CNOT6L: variants seen among roughly 807,000 people sequenced by gnomAD.
CNOT6L encodes CCR4-NOT transcription complex subunit 6 like.
Under a neutral mutation model 64.0 loss-of-function variants are expected in CNOT6L, and 7 were observed. That is an observed-to-expected ratio of 0.11 (90% CI 0.06 to 0.21). CNOT6L has a LOEUF of 0.21. CNOT6L is among the 10% of genes least tolerant of loss of function. The probability of loss-of-function intolerance (pLI) is 1.00; values close to 1 mark genes in which losing one functional copy is unlikely to be tolerated. For missense variants in CNOT6L, 245 were observed against 669.0 expected, an observed-to-expected ratio of 0.37 and a Z score of 6.99; for synonymous variants, 193 against 243.4, an observed-to-expected ratio of 0.79 and a Z score of 1.93.
chr4:77,819,226 C>G (rs368783905), intron 1 of CNOT6L, 78 bp downstream of exon 1: 24 of 1,612,290 alleles, frequency 1.5e-5, no homozygotes, highest in Non-Finnish European at 2.0e-5. Context: ...ATTTGTCCCT[C>G]TCCCACCTCA....
At chr4:77,755,451 G>A (rs1386619234) in intron 5 of CNOT6L, among the ~76,000 whole-genome samples, 3 of 151,712 alleles carry the variant, frequency 2.0e-5, no homozygotes, top group Admixed American at 6.6e-5. Context: ...TCTTGACCTC[G>A]TGATCTCCCC....
chr4:77,798,642 T>C (rs1731149783), intron 1 of CNOT6L, among the ~76,000 whole-genome samples: 1 of 152,082 alleles, frequency 6.6e-6, no homozygotes, highest in Admixed American at 6.6e-5. Flanking sequence ...ACACTAAAGA[T>C]GAGAATGCAA....
At chr4:77,789,317 G>A (rs931495592) in intron 1 of CNOT6L, among the ~76,000 whole-genome samples, 14 of 145,580 alleles carry the variant, frequency 9.6e-5, no homozygotes, top group South Asian at 2.3e-4. Flanking sequence ...CCCCAACCCC[G>A]CCCCAATGCA....
intron 7 of CNOT6L, among the ~76,000 whole-genome samples, chr4:77,744,136 T>C (rs1483313464): frequency 6.6e-6 from 1 of 152,190 alleles, no homozygotes; most frequent in African/African-American, 2.4e-5. Context: ...AAACATCTTT[T>C]TGGCTAATCA....
intron 4 of CNOT6L, among the ~76,000 whole-genome samples, chr4:77,766,029 A>C (rs1367101143): frequency 6.6e-6 from 1 of 152,208 alleles, no homozygotes; most frequent in Non-Finnish European, 1.5e-5. Context: ...GTCTTCTGCC[A>C]CCATCCATGA....
rs1002612486 is a variant in CNOT6L, at chr4:77,717,850, A to G, written c.*2581T>C. 6.6e-6 allele frequency: 1 copy of G among 152,570 alleles called. No individual in the cohort carries two copies. Among genetic ancestry groups the G allele is most frequent in the Non-Finnish European group, 1.5e-5 (1 of 68,020 alleles). The allele number at this position is 152,570 out of a possible 1,614,324, so 9.5% of individuals were successfully genotyped here. On this transcript the variant is annotated 3_prime_UTR_variant, in exon 12 of 12. Transcript: ENST00000504123. ...GCCCCAAGTGTGTACCACCCAAAAC[A>G]TAACACAATTACCTACTTCAACAGA...
intron 1 of CNOT6L, among the ~76,000 whole-genome samples, chr4:77,812,469 T>A (rs895942240): frequency 2.0e-5 from 3 of 150,054 alleles, no homozygotes; most frequent in Non-Finnish European, 3.0e-5. Context: ...CTATTAGAAC[T>A]AAGAAATTCA....
At chr4:77,783,834 AAT>A (rs1265827313) in intron 1 of CNOT6L, among the ~76,000 whole-genome samples, 1 of 151,346 alleles carries the variant, frequency 6.6e-6, no homozygotes, top group Admixed American at 6.6e-5. Context: ...ACTTGGATTC[AAT>A]ATGTTTTATT....
intron 4 of CNOT6L, among the ~76,000 whole-genome samples, chr4:77,765,741 T>C (rs1017705849): frequency 1.3e-5 from 2 of 152,210 alleles, no homozygotes; most frequent in African/African-American, 4.8e-5. Context: ...GTTATCTGTC[T>C]CTTGATACTG....
At chr4:77,798,015 G>T (rs962003528) in intron 1 of CNOT6L, among the ~76,000 whole-genome samples, 8 of 152,200 alleles carry the variant, frequency 5.3e-5, no homozygotes, top group African/African-American at 1.9e-4. Context: ...AAGAACTTTT[G>T]CTCCTTGAAA....
chr4:77,788,655 G>A (rs932105889), intron 1 of CNOT6L, among the ~76,000 whole-genome samples: 1 of 152,118 alleles, frequency 6.6e-6, no homozygotes, highest in Non-Finnish European at 1.5e-5. Flanking sequence ...TTGAACCTGG[G>A]AGGCAGACGC....
intron 6 of CNOT6L, 70 bp downstream of exon 6, chr4:77,748,246 C>T: frequency 9.7e-7 from 1 of 1,029,940 alleles, no homozygotes; most frequent in Non-Finnish European, 1.5e-6. Flanking sequence ...TTATTTATTA[C>T]AGATCATGAA....
At chr4:77,764,573 C>A (rs1448449541) in intron 4 of CNOT6L, among the ~76,000 whole-genome samples, 1 of 152,122 alleles carries the variant, frequency 6.6e-6, no homozygotes, top group Non-Finnish European at 1.5e-5. Flanking sequence ...GATCCAAGAA[C>A]TGGAATTGGG....
In CNOT6L at chr4:77,731,418, T is replaced by C. The variant is rs769436759; in HGVS notation, c.993A>G (p.Val331=). 3.3e-5 allele frequency: 53 copies of C among 1,612,416 alleles called. No homozygotes were observed. The highest frequency in any genetic ancestry group is 4.2e-5 in the Non-Finnish European group (50 of 1,179,360). The change falls in exon 9 of 12, where the codon GTA becomes GTG. Residue 331 remains valine, a synonymous_variant. Coordinates refer to ENST00000504123, the MANE Select transcript of CNOT6L (RefSeq NM_144571.3). ...CAAATAGTTCTTTGTGGACCTCTAA[T>C]ACCACAGCGACACCAATGTTATCTT... ...MTKDNIGVAV[V]LEVHKELFGA... is the part of the protein sequence containing the mutation.
chr4:77,756,857 G>C lies in CNOT6L; in HGVS notation c.490+5C>G, dbSNP rs931037350. ...TTATTTTACAGCTTTGTCACTAACA[G>C]TTACCTGCGAGATTGTCAAGCATGA... On this transcript the variant is annotated splice_donor_5th_base_variant and intron_variant, in intron 5 of 11. Transcript: ENST00000504123. 14 of 1,581,098 alleles carry C rather than the reference G, an allele frequency of 8.9e-6. No homozygotes were observed. The highest frequency in any genetic ancestry group is 1.2e-5 in the Non-Finnish European group (14 of 1,154,076).
Position 77,783,167 on chromosome 4 carries a change from A to AAC in CNOT6L, c.6-6776_6-6775insGT, listed in dbSNP as rs1221500397. Reference sequence around the variant, plus strand: ...TGACCACTCAAAAAAAAAAAAAAAAAAAACACATGTTTTATAATGGCAAAG... The same window carrying AAC: ...TGACCACTCAAAAAAAAAAAAAAAAAACAAACACATGTTTTATAATGGCAAAG... On this transcript the variant is annotated intron_variant, in intron 1 of 11. Coordinates refer to ENST00000504123, the MANE Select transcript of CNOT6L (RefSeq NM_144571.3). Among the ~76,000 whole-genome samples the AAC allele has an allele frequency of 1.3e-4, 19 of 151,802 alleles. No individual in the cohort carries two copies. In the South Asian group the frequency reaches 2.9e-3, roughly 23 times the overall value.
chr4:77,781,710 T>C (rs1368677588), intron 1 of CNOT6L, among the ~76,000 whole-genome samples: 1 of 14,514 alleles, frequency 6.9e-5, no homozygotes, highest in Non-Finnish European at 1.2e-4. Context: ...TCATCTAAAG[T>C]AGCTTACAAA....
chr4:77,742,485 C>G, intron 7 of CNOT6L, 190 bp from the exon 8 acceptor site: 1 of 660,562 alleles, frequency 1.5e-6, no homozygotes, highest in Non-Finnish European at 2.7e-6. Flanking sequence ...ATGAAAGAAC[C>G]AGAAAGGTGA....
At chr4:77,778,809 C>A (rs2110073484) in intron 1 of CNOT6L, among the ~76,000 whole-genome samples, 1 of 151,534 alleles carries the variant, frequency 6.6e-6, no homozygotes, top group South Asian at 2.1e-4. Flanking sequence ...CTTTGGGAGG[C>A]CGAGGCGGGC....
Sources: gnomAD v4.1 joint callset for allele counts (sites outside exome capture counted in the v4.1 genomes callset) on GRCh38, gnomAD v4.1.1 for gene constraint, MANE v1.5 for transcripts, NCBI Gene and HGNC (gene_info 2026-07-23, HGNC 2026-07-21) for gene names.